The following LRIG1 variants were observed in gnomAD, a reference collection of about 807,000 sequenced individuals.
The protein encoded by LRIG1 is leucine rich repeats and immunoglobulin like domains 1.
Under a neutral mutation model 99.2 loss-of-function variants are expected in LRIG1, and 48 were observed. The ratio of observed to expected loss-of-function variants is 0.48; its 90% CI spans 0.38 to 0.62. The LOEUF is 0.62. LRIG1 is among the 20% of genes least tolerant of loss of function. The probability of loss-of-function intolerance (pLI) is 0.00; values close to 1 mark genes in which losing one functional copy is unlikely to be tolerated. For missense variants in LRIG1, 1,646 were observed against 1,434.4 expected, an observed-to-expected ratio of 1.15 and a Z score of -2.38; for synonymous variants, 772 against 596.1, an observed-to-expected ratio of 1.29 and a Z score of -4.30.
chr3:66,483,267 C>A (rs1221988612), intron 1 of LRIG1, among the ~76,000 whole-genome samples: 1 of 152,178 alleles, frequency 6.6e-6, no homozygotes, highest in African/African-American at 2.4e-5. Flanking sequence ...GCTCTGCCAG[C>A]TGGGTTCGCA....
intron 2 of LRIG1, among the ~76,000 whole-genome samples, chr3:66,452,750 G>GA (rs929132083): frequency 3.2e-4 from 47 of 146,512 alleles, no homozygotes; most frequent in South Asian, 4.3e-4. Context: ...ATAGGAGAAG[G>GA]AAAAAAAAAA....
rs143013041 is a variant in LRIG1 at position 66,386,049 on chromosome 3, C to T, written c.1721G>A (p.Arg574His). 1.5e-5 allele frequency: 24 copies of T among 1,614,052 alleles called. No individual in the cohort carries two copies. Among genetic ancestry groups the T allele is most frequent in the South Asian group, 4.4e-5 (4 of 91,088 alleles). Residue 574 changes from arginine (R) to histidine (H), a missense_variant, in exon 13 of 19, where the codon CGC (arginine) becomes CAC (histidine). Physicochemically the swap from Arg to His is conservative, Grantham distance 29. Transcript: ENST00000273261. ...GTGGTTGGTGATGACACATTGGTAG[C>T]GGCCCTCGTGCCCGAAAGTGACCTG... ...LRQVTFGHEGRYQCVITNHFG... is the reference protein window; with the variant it reads ...LRQVTFGHEGHYQCVITNHFG...
intron 1 of LRIG1, among the ~76,000 whole-genome samples, chr3:66,480,447 T>C (rs9883295): frequency 0.055 from 8,356 of 151,964 alleles, 759 homozygotes; most frequent in African/African-American, 0.19. Flanking sequence ...TTGTGGTATT[T>C]GAATCACATC....
chr3:66,429,146 C>T (rs1703074111), intron 3 of LRIG1, among the ~76,000 whole-genome samples: 1 of 152,242 alleles, frequency 6.6e-6, no homozygotes, highest in Non-Finnish European at 1.5e-5. Context: ...CTTCCATTAA[C>T]TCCTTGCAAA....
At chr3:66,494,240 G>C (rs1701178055) in intron 1 of LRIG1, among the ~76,000 whole-genome samples, 2 of 152,194 alleles carry the variant, frequency 1.3e-5, no homozygotes, top group African/African-American at 4.8e-5. Context: ...GACATGAAGA[G>C]GTTTGCCCAA....
chr3:66,379,572 T>G lies in LRIG1; in HGVS notation c.*691A>C, dbSNP rs766150482. 1 of 151,540 alleles carries G rather than the reference T, an allele frequency of 6.6e-6. No individual in the cohort carries two copies. The highest frequency in any genetic ancestry group is 1.5e-5 in the Non-Finnish European group (1 of 67,586). The allele number at this position is 151,540 out of a possible 1,614,324, so 9.4% of individuals were successfully genotyped here. A position where few individuals can be genotyped will look rare whatever the true frequency, so the allele number is the denominator to read the frequency against. The stretch of plus-strand genomic sequence containing the variant: ...TGTGATGGATTAACAACCCTCATTC[T>G]ACGCCTTACAGACGGACAGATTCTA... On this transcript the variant is annotated 3_prime_UTR_variant, in exon 19 of 19. Transcript: ENST00000273261.
chr3:66,403,555 G>T (rs1006946276), intron 9 of LRIG1, among the ~76,000 whole-genome samples: 2 of 152,212 alleles, frequency 1.3e-5, no homozygotes, highest in Middle Eastern at 6.8e-3. Flanking sequence ...TGACCTCTTG[G>T]GGCTCAGGTG....
intron 3 of LRIG1, among the ~76,000 whole-genome samples, chr3:66,439,709 T>C (rs10510955): frequency 0.049 from 7,438 of 152,118 alleles, 527 homozygotes; most frequent in African/African-American, 0.16. Context: ...TTCTGACATA[T>C]AGGTAGAATG....
Position 66,410,288 on chromosome 3 carries a change from T to C in LRIG1, c.792-16A>G, listed in dbSNP as rs75991848. ...CTCCAGGTGCCTGCAATGACAGCCATGCACAGGATGAAGAGGAGCTTTCAC... is the reference window on the plus strand; with the variant it reads ...CTCCAGGTGCCTGCAATGACAGCCACGCACAGGATGAAGAGGAGCTTTCAC... On this transcript the variant is annotated splice_polypyrimidine_tract_variant and intron_variant, in intron 6 of 18. Coordinates refer to ENST00000273261, the MANE Select transcript of LRIG1 (RefSeq NM_015541.3). The C allele has an allele frequency of 2.4e-3, 3,776 of 1,591,382 alleles. 60 individuals carry two copies. The East Asian group carries it at 0.032, about 13-fold the overall frequency.
chr3:66,476,441 T>C (rs1310939244), intron 1 of LRIG1, among the ~76,000 whole-genome samples: 1 of 152,128 alleles, frequency 6.6e-6, no homozygotes, highest in Non-Finnish European at 1.5e-5. Context: ...AAGAAATAAG[T>C]AGTCCATTAG....
intron 10 of LRIG1, 69 bp downstream of exon 10, chr3:66,398,901 G>T: frequency 1.6e-6 from 2 of 1,283,542 alleles, no homozygotes; most frequent in Non-Finnish European, 2.3e-6. Flanking sequence ...CGATTAAATT[G>T]CTAGCAGAAC....
chr3:66,379,378 A>C lies in LRIG1; in HGVS notation c.*885T>G, dbSNP rs1425141612. On this transcript the variant is annotated 3_prime_UTR_variant, in exon 19 of 19. Coordinates refer to ENST00000273261, the MANE Select transcript of LRIG1 (RefSeq NM_015541.3). ...CAATGTAATACTCATTATATTGGCA[A>C]AACGAAAACATCAGTATAGAAAAAT... The C allele has an allele frequency of 1.3e-5, 2 of 152,210 alleles. No homozygotes were observed. Among genetic ancestry groups the C allele is most frequent in the East Asian group, 3.8e-4 (2 of 5,200 alleles). The allele number at this position is 152,210 out of a possible 1,614,324, so 9.4% of individuals were successfully genotyped here.
rs888961409 is a variant in LRIG1, at chr3:66,383,478, G to A, written c.2072-77C>T. On this transcript the variant is annotated intron_variant, in intron 14 of 18. Transcript: ENST00000273261. ...GGCTCTGCCCGGTCTTCTGGACAAC[G>A]GACAATCCAACATATCAATGAGATG... The A allele has an allele frequency of 1.2e-4, 150 of 1,296,846 alleles. 1 individual carries two copies. Among genetic ancestry groups the A allele is most frequent in the Admixed American group, 7.7e-4 (33 of 43,100 alleles). The allele number at this position is 1,296,846 out of a possible 1,614,324, so 80.3% of individuals were successfully genotyped here. A position where few individuals can be genotyped will look rare whatever the true frequency, so the allele number is the denominator to read the frequency against.
chr3:66,405,115 G>A, intron 9 of LRIG1, 83 bp downstream of exon 9: 1 of 1,229,434 alleles, frequency 8.1e-7, no homozygotes, highest in South Asian at 1.2e-5. Flanking sequence ...GAGCAGAGAG[G>A]CGCGGGGGGC....
intron 1 of LRIG1, among the ~76,000 whole-genome samples, chr3:66,470,516 G>A (rs1436500923): frequency 6.6e-6 from 1 of 152,178 alleles, no homozygotes; most frequent in Non-Finnish European, 1.5e-5. Context: ...GAAAGGGCAA[G>A]ACACAAATGG....
At chr3:66,460,781 G>T (rs1700338279) in intron 2 of LRIG1, among the ~76,000 whole-genome samples, 1 of 152,162 alleles carries the variant, frequency 6.6e-6, no homozygotes, top group Admixed American at 6.5e-5. Context: ...CCCTGCCATG[G>T]ACTCACTGAT....
Position 66,398,007 on chromosome 3 carries a change from G to A in LRIG1, c.1304+105C>T, listed in dbSNP as rs80338407. 8,292 of 911,452 alleles carry A rather than the reference G, an allele frequency of 9.1e-3. 58 individuals carry two copies. Among genetic ancestry groups the A allele is most frequent in the Non-Finnish European group, 0.012 (6,766 of 579,288 alleles). 56.5% of individuals were successfully genotyped at this position (911,452 alleles called of 1,614,324 possible). On this transcript the variant is annotated intron_variant, in intron 11 of 18. Transcript: ENST00000273261. ...CTGTGGCCCACAAAATCCAAAATAT[G>A]TACCATGTGAACTTTTAACAAGTGA... is the stretch of plus-strand genomic sequence containing the variant.
rs1399628093 is a variant in LRIG1 at position 66,393,934 on chromosome 3, G to A, written c.1468+106C>T. The A allele has an allele frequency of 1.2e-5, 15 of 1,200,700 alleles. No individual in the cohort carries two copies. In the Admixed American group the frequency reaches 1.3e-4, roughly 11 times the overall value. The allele number at this position is 1,200,700 out of a possible 1,614,324, so 74.4% of individuals were successfully genotyped here. On this transcript the variant is annotated intron_variant, in intron 12 of 18. Transcript: ENST00000273261. ...CATCCAGCAGCTGATCTGTAACCAC[G>A]GGCTGGGGTTTACTCTGATCACAGG...
At chr3:66,411,935 G>C (rs1191173639) in intron 6 of LRIG1, among the ~76,000 whole-genome samples, 4 of 151,704 alleles carry the variant, frequency 2.6e-5, no homozygotes, top group Non-Finnish European at 5.9e-5. Context: ...AGAGAATGAG[G>C]GGGTGGTGGC....
Sources: allele counts gnomAD v4.1 joint callset (sites outside exome capture counted in the v4.1 genomes callset), GRCh38; gene constraint gnomAD v4.1.1; transcripts MANE v1.5; gene names NCBI Gene and HGNC (gene_info 2026-07-23, HGNC 2026-07-21).